Variants in PCDH9 observed in about 807,000 individuals in gnomAD.
PCDH9 encodes protocadherin-9.
In PCDH9, 24 loss-of-function variants were observed where a neutral mutation model predicts 70.6. That is an observed-to-expected ratio of 0.34 (90% confidence interval 0.25 to 0.48). The LOEUF is 0.48. Ranked by LOEUF, PCDH9 falls within the 20% of genes least tolerant of loss-of-function variation. The pLI is 0.99. For synonymous variants in PCDH9, 562 were observed against 558.5 expected (o/e 1.01, Z -0.09); for missense variants, 1,281 against 1,503.6 (o/e 0.85, Z 2.45).
intron 4 of PCDH9, among the ~76,000 whole-genome samples, chr13:66,406,984 C>T (rs933770512): frequency 2.6e-5 from 4 of 151,934 alleles, no homozygotes; most frequent in African/African-American, 7.3e-5. Context: ...AAAGAAGTAC[C>T]CAAGAGGCAG....
chr13:66,612,076 A>G (rs2077299831), intron 4 of PCDH9, among the ~76,000 whole-genome samples: 1 of 152,274 alleles, frequency 6.6e-6, no homozygotes, highest in South Asian at 2.1e-4. Context: ...AAACAAATTT[A>G]GTCTCAATAT....
At chr13:66,319,672 G>A (rs1181155359) in intron 4 of PCDH9, among the ~76,000 whole-genome samples, 2 of 152,014 alleles carry the variant, frequency 1.3e-5, no homozygotes, top group African/African-American at 2.4e-5. Flanking sequence ...CAAAAGGAGG[G>A]TGAGATATGC....
At chr13:66,351,960 A>T (rs1018079054) in intron 4 of PCDH9, among the ~76,000 whole-genome samples, 2 of 151,752 alleles carry the variant, frequency 1.3e-5, no homozygotes, top group Non-Finnish European at 2.9e-5. Context: ...CTCAACCTTC[A>T]AAGTAGCTGG....
At chr13:66,777,930 C>T (rs923207215) in intron 3 of PCDH9, among the ~76,000 whole-genome samples, 3 of 152,188 alleles carry the variant, frequency 2.0e-5, no homozygotes, top group Admixed American at 6.5e-5. Flanking sequence ...GGCACATATA[C>T]ACCATGGAAT....
intron 4 of PCDH9, among the ~76,000 whole-genome samples, chr13:66,518,190 G>T (rs542962278): frequency 1.3e-4 from 20 of 151,924 alleles, no homozygotes; most frequent in Non-Finnish European, 2.6e-4. Context: ...ACAGAGGAGG[G>T]GAGGTGCCAC....
chr13:66,738,222 G>A (rs948180399), intron 3 of PCDH9, among the ~76,000 whole-genome samples: 1 of 151,494 alleles, frequency 6.6e-6, no homozygotes, highest in African/African-American at 2.4e-5. Context: ...GCACCCCCCA[G>A]CAGGGGCACA....
At chr13:66,767,103 A>G (rs1808190898) in intron 3 of PCDH9, among the ~76,000 whole-genome samples, 1 of 152,054 alleles carries the variant, frequency 6.6e-6, no homozygotes, top group South Asian at 2.1e-4. Flanking sequence ...ATATATTCGC[A>G]GTAGAAATCT....
chr13:66,648,662 G>A (rs889050856), intron 3 of PCDH9, among the ~76,000 whole-genome samples: 19 of 151,836 alleles, frequency 1.3e-4, no homozygotes, highest in East Asian at 5.8e-4. Flanking sequence ...TTCAATGCCC[G>A]GAGACCAACA....
chr13:66,862,447 A>G (rs2081500439), intron 3 of PCDH9, among the ~76,000 whole-genome samples: 1 of 152,220 alleles, frequency 6.6e-6, no homozygotes, highest in Admixed American at 6.5e-5. Flanking sequence ...TTTCCCTGTT[A>G]TAGAGGAACA....
chr13:67,140,719 T>G (rs927390657), intron 2 of PCDH9, among the ~76,000 whole-genome samples: 2 of 152,210 alleles, frequency 1.3e-5, no homozygotes, highest in African/African-American at 4.8e-5. Flanking sequence ...ATTTGTACCT[T>G]CAGGAGAAAT....
intron 3 of PCDH9, among the ~76,000 whole-genome samples, chr13:66,709,110 CAATT>C (rs1274116160): frequency 6.6e-6 from 1 of 152,100 alleles, no homozygotes; most frequent in Non-Finnish European, 1.5e-5. Flanking sequence ...CACGACTTGA[CAATT>C]GATTTCCTGT....
chr13:66,551,616 T>C (rs1961493308), intron 4 of PCDH9, among the ~76,000 whole-genome samples: 1 of 152,144 alleles, frequency 6.6e-6, no homozygotes, highest in African/African-American at 2.4e-5. Context: ...ATAGAAGAAG[T>C]TATTTAGTAG....
intron 3 of PCDH9, among the ~76,000 whole-genome samples, chr13:66,685,162 G>A (rs1171921247): frequency 1.3e-5 from 2 of 152,198 alleles, no homozygotes; most frequent in Non-Finnish European, 1.5e-5. Context: ...CTCCAGGGCA[G>A]CCCCTCCCAT....
intron 4 of PCDH9, among the ~76,000 whole-genome samples, chr13:66,404,689 A>G (rs1957249680): frequency 6.6e-6 from 1 of 152,176 alleles, no homozygotes; most frequent in African/African-American, 2.4e-5. Flanking sequence ...TGTAAACCTT[A>G]TAATTTACGT....
intron 3 of PCDH9, among the ~76,000 whole-genome samples, chr13:66,648,713 T>C (rs1026090103): frequency 6.6e-6 from 1 of 151,538 alleles, no homozygotes; most frequent in Non-Finnish European, 1.5e-5. Flanking sequence ...AAATCTCACC[T>C]CACTAAAAAA....
intron 3 of PCDH9, among the ~76,000 whole-genome samples, chr13:66,687,863 T>C (rs2078426982): frequency 6.6e-6 from 1 of 152,120 alleles, no homozygotes; most frequent in African/African-American, 2.4e-5. Context: ...GATCTTGATG[T>C]TCCTGTTGCT....
chr13:66,932,681 T>TATATATATATATATATACAC (rs1313632174), intron 2 of PCDH9, among the ~76,000 whole-genome samples: 38 of 114,814 alleles, frequency 3.3e-4, no homozygotes, highest in African/African-American at 9.6e-4. Flanking sequence ...TATATATATA[T>TATATATATATATATATACAC]ACACACACAC....
chr13:66,879,508 G>C (rs1309878510), intron 3 of PCDH9, among the ~76,000 whole-genome samples: 1 of 152,060 alleles, frequency 6.6e-6, no homozygotes, highest in African/African-American at 2.4e-5. Flanking sequence ...TCTTCTGTAA[G>C]ATGGACATAC....
intron 4 of PCDH9, among the ~76,000 whole-genome samples, chr13:66,397,466 ATG>A (rs892415024): frequency 1.7e-4 from 7 of 41,190 alleles, no homozygotes; most frequent in Admixed American, 4.4e-4. Context: ...GTATATATAT[ATG>A]TGTGTGTGTG....
Sources: allele counts gnomAD v4.1 joint callset (sites outside exome capture counted in the v4.1 genomes callset), GRCh38; gene constraint gnomAD v4.1.1; transcripts MANE v1.5; gene names NCBI Gene and HGNC (gene_info 2026-07-23, HGNC 2026-07-21).